The following TENM3 variants were observed in gnomAD, a reference collection of about 807,000 sequenced individuals.
The protein encoded by TENM3 is teneurin transmembrane protein 3, also known as teneurin-3.
Under a neutral mutation model 255.1 loss-of-function variants are expected in TENM3, and 63 were observed. That is an observed-to-expected ratio of 0.25 (90% CI 0.20 to 0.30). TENM3 has a LOEUF of 0.30. TENM3 is among the 10% of genes least tolerant of loss of function. The probability of loss-of-function intolerance (pLI) is 1.00; values close to 1 mark genes in which losing one functional copy is unlikely to be tolerated. For missense variants in TENM3, 2,929 were observed against 3,461.1 expected (o/e 0.85, Z 3.86); for synonymous variants, 1,306 against 1,322.3 (o/e 0.99, Z 0.27).
At chr4:181,714,606 G>C in the TENM3 span, among the ~76,000 whole-genome samples, 1 of 152,160 alleles carries the variant, frequency 6.6e-6, no homozygotes. Flanking sequence ...ATATTTTCTT[G>C]CTTTCTCCTC....
intron 22 of TENM3, among the ~76,000 whole-genome samples, chr4:182,771,958 G>C: frequency 6.6e-6 from 1 of 152,084 alleles, no homozygotes; most frequent in Non-Finnish European, 1.5e-5. Context: ...TGAGCAGCGT[G>C]GCAGGTTGTC....
At position 182,773,714 on chromosome 4, in the gene TENM3, T is replaced by C; in HGVS notation, c.5068+67T>C. 2.1e-6 allele frequency: 3 copies of C among 1,422,766 alleles called. No homozygotes were observed. The Admixed American group carries it at 6.1e-5, about 29-fold the overall frequency. 88.1% of individuals were successfully genotyped at this position (1,422,766 alleles called of 1,614,324 possible). A position where few individuals can be genotyped will look rare whatever the true frequency, so the allele number is the denominator to read the frequency against. ...CCAGACAGAATGCGGCAACACCCAC[T>C]TTCCAAGGTGAACCAGAAAAGGGAA... On this transcript the variant is annotated intron_variant, in intron 23 of 27. Transcript: ENST00000511685.
the TENM3 span, among the ~76,000 whole-genome samples, chr4:181,967,002 TCTCG>T: frequency 3.9e-5 from 6 of 151,986 alleles, no homozygotes; most frequent in Non-Finnish European, 7.4e-5. Flanking sequence ...TCTCTCTCTC[TCTCG>T]CTCTCTCTCT....
chr4:182,022,457 G>A, the TENM3 span, among the ~76,000 whole-genome samples: 12 of 150,890 alleles, frequency 8.0e-5, no homozygotes, highest in South Asian at 2.1e-4. Context: ...GAGGTGATGC[G>A]TTCATTAGGA....
chr4:181,818,081 G>A, the TENM3 span, among the ~76,000 whole-genome samples: 2,435 of 152,208 alleles, frequency 0.016, 73 homozygotes, highest in African/African-American at 0.056. Context: ...GACCCACATT[G>A]TTTTATAGTT....
the TENM3 span, chr4:181,975,287 A>C: frequency 6.6e-6 from 1 of 152,040 alleles, no homozygotes; most frequent in African/African-American, 2.4e-5. Context: ...ACAGGCAAGC[A>C]CCACCAAGCC....
the TENM3 span, among the ~76,000 whole-genome samples, chr4:181,507,156 C>T: frequency 2.0e-5 from 3 of 152,218 alleles, no homozygotes; most frequent in Admixed American, 1.3e-4. Context: ...TACTTGCTCT[C>T]AACTCCTCTG....
At position 182,696,333 on chromosome 4, in the gene TENM3, T is replaced by C. The variant is rs1025679336; in HGVS notation, c.2221+7982T>C. On this transcript the variant is annotated intron_variant, in intron 12 of 27. Coordinates refer to ENST00000511685, the MANE Select transcript of TENM3 (RefSeq NM_001080477.4). ...CTCTCTATACTCTCTATAGAAAATA[T>C]TACAAAAATCGTTGTCATATAAAGA... is the stretch of plus-strand genomic sequence containing the variant. Among the ~76,000 whole-genome samples the C allele has an allele frequency of 1.3e-4, 20 of 152,266 alleles. 1 individual carries two copies. Among genetic ancestry groups the C allele is most frequent in the Admixed American group, 1.3e-3 (20 of 15,286 alleles).
chr4:182,396,480 G>A (rs990453258), intron 3 of TENM3, among the ~76,000 whole-genome samples: 1 of 152,128 alleles, frequency 6.6e-6, no homozygotes, highest in Admixed American at 6.5e-5. Context: ...AACAACAGTG[G>A]CTGGCACAGG....
At chr4:181,837,328 A>G in the TENM3 span, among the ~76,000 whole-genome samples, 1 of 152,208 alleles carries the variant, frequency 6.6e-6, no homozygotes, top group Non-Finnish European at 1.5e-5. Flanking sequence ...ACTGTTTTGC[A>G]TCATATTGTC....
intron 3 of TENM3, among the ~76,000 whole-genome samples, chr4:182,359,115 G>T (rs1452350788): frequency 6.6e-5 from 10 of 151,944 alleles, no homozygotes; most frequent in African/African-American, 2.2e-4. Context: ...GCTGGATTCG[G>T]TTTGCCGGTA....
At chr4:182,238,431 C>T (rs1236342182), upstream of TENM3, among the ~76,000 whole-genome samples, 2 of 152,184 alleles carry the variant, frequency 1.3e-5, no homozygotes, top group African/African-American at 4.8e-5. Flanking sequence ...AAATGCAACG[C>T]CCAGGGGAAC....
At chr4:182,082,896 A>G in the TENM3 span, among the ~76,000 whole-genome samples, 18 of 152,284 alleles carry the variant, frequency 1.2e-4, 2 homozygotes, top group Admixed American at 1.1e-3. Context: ...ATAGAGAAAA[A>G]CGTGCCACTC....
At chr4:181,560,963 AT>A in the TENM3 span, among the ~76,000 whole-genome samples, 3 of 151,792 alleles carry the variant, frequency 2.0e-5, no homozygotes, top group African/African-American at 7.3e-5. Context: ...CTTAATTTTT[AT>A]TTTTTTTCTT....
chr4:181,546,575 G>A, the TENM3 span, among the ~76,000 whole-genome samples: 2 of 141,286 alleles, frequency 1.4e-5, no homozygotes, highest in Admixed American at 7.8e-5. Context: ...TTAGCCGGGC[G>A]TGGTGGCGGA....
the TENM3 span, among the ~76,000 whole-genome samples, chr4:181,510,057 C>T: frequency 6.6e-6 from 1 of 152,172 alleles, no homozygotes; most frequent in African/African-American, 2.4e-5. Flanking sequence ...AGCACCGTCT[C>T]CTCCATATGT....
chr4:181,605,452 A>AG, the TENM3 span, among the ~76,000 whole-genome samples: 1 of 100,506 alleles, frequency 9.9e-6, no homozygotes, highest in Admixed American at 1.1e-4. Flanking sequence ...AAAAGAAAGA[A>AG]AGAGAGAGAG....
chr4:182,795,593 C>A (rs1766444519), intron 26 of TENM3, among the ~76,000 whole-genome samples: 1 of 152,152 alleles, frequency 6.6e-6, no homozygotes, highest in South Asian at 2.1e-4. Context: ...GAGTCTGTGC[C>A]CTAGAGAAGG....
chr4:181,936,448 ATTAG>A, the TENM3 span, among the ~76,000 whole-genome samples: 2 of 152,150 alleles, frequency 1.3e-5, no homozygotes, highest in African/African-American at 4.8e-5. Flanking sequence ...GAATTAATTA[ATTAG>A]TTAATTACTT....
Sources: gnomAD v4.1 joint callset for allele counts (sites outside exome capture counted in the v4.1 genomes callset) on GRCh38, gnomAD v4.1.1 for gene constraint, MANE v1.5 for transcripts, NCBI Gene and HGNC (gene_info 2026-07-23, HGNC 2026-07-21) for gene names.